ABR: variants seen among roughly 807,000 people sequenced by gnomAD.
ABR encodes ABR activator of RhoGEF and GTPase, also known as active breakpoint cluster region-related protein.
Under a neutral mutation model 107.2 loss-of-function variants are expected in ABR, and 35 were observed. The ratio of observed to expected loss-of-function variants is 0.33; its 90% CI spans 0.25 to 0.43. The LOEUF is 0.43. Ranked by LOEUF, ABR falls within the 20% of genes least tolerant of loss-of-function variation. The pLI is 1.00. For synonymous variants in ABR, 498 were observed against 462.0 expected (o/e 1.08, Z -1.00); for missense variants, 815 against 1,115.2 (o/e 0.73, Z 3.83).
chr17:1,014,107 C>T lies in ABR; in HGVS notation c.1792-943G>A, dbSNP rs184517606. ...TTCCTTCTCATGGATTCAGTGGGAT[C>T]TAAATACCCCAGCGACGTGATACCC... On this transcript the variant is annotated intron_variant, in intron 16 of 22. Transcript: ENST00000302538. 1.9e-3 allele frequency among the ~76,000 whole-genome samples: 284 copies of T among 152,288 alleles called. 2 individuals are homozygous for T. Among genetic ancestry groups the T allele is most frequent in the Non-Finnish European group, 3.6e-3 (242 of 68,028 alleles).
At chr17:1,058,906 C>T (rs118109021) in intron 10 of ABR, 39 bp from the exon 11 acceptor site, 17,658 of 1,611,366 alleles carry the variant, frequency 0.011, 131 homozygotes, top group Non-Finnish European at 0.014. Context: ...CCCTCACACT[C>T]GGGCCTTTCT....
chr17:1,137,019 C>T (rs576259146), intron 1 of ABR, among the ~76,000 whole-genome samples: 975 of 90,142 alleles, frequency 0.011, 14 homozygotes, highest in South Asian at 0.015. Flanking sequence ...TTTTCTCTCT[C>T]TCTCTCTCTT....
intron 1 of ABR, among the ~76,000 whole-genome samples, chr17:1,156,721 T>G (rs1365094558): frequency 1.3e-5 from 2 of 152,090 alleles, no homozygotes; most frequent in Non-Finnish European, 2.9e-5. Context: ...CATTATCTTA[T>G]GTAATCCTCT....
intron 1 of ABR, chr17:1,125,780 C>T (rs754410500): frequency 1.3e-5 from 3 of 223,674 alleles, no homozygotes; most frequent in Middle Eastern, 1.4e-3. Context: ...TGGGGGGGGC[C>T]GGTCGATGTC....
At chr17:1,054,493 TCAAAGG>T (rs2032990975) in intron 14 of ABR, among the ~76,000 whole-genome samples, 3 of 142,168 alleles carry the variant, frequency 2.1e-5, no homozygotes, top group African/African-American at 8.6e-5. Flanking sequence ...ACAAGGAACC[TCAAAGG>T]GATGGGGATA....
intron 9 of ABR, among the ~76,000 whole-genome samples, chr17:1,069,220 G>A (rs756926283): frequency 6.6e-6 from 1 of 152,192 alleles, no homozygotes; most frequent in African/African-American, 2.4e-5. Flanking sequence ...AACAGGGAAG[G>A]AAGCAGCGCG....
chr17:1,036,548 G>C (rs561890543), intron 16 of ABR, among the ~76,000 whole-genome samples: 1 of 152,266 alleles, frequency 6.6e-6, no homozygotes, highest in African/African-American at 2.4e-5. Flanking sequence ...GGGGGCTGCA[G>C]AGAGCCTGCC....
At chr17:1,077,009 G>A (rs1283825269) in intron 6 of ABR, among the ~76,000 whole-genome samples, 1 of 152,206 alleles carries the variant, frequency 6.6e-6, no homozygotes, top group African/African-American at 2.4e-5. Context: ...CAAGGGTACT[G>A]AGTTAACTGC....
rs1421534521 is a variant in ABR, at chr17:1,070,431, A to G, written c.895-341T>C. Among the ~76,000 whole-genome samples the G allele has an allele frequency of 6.6e-6, 1 of 152,182 alleles. No individual in the cohort carries two copies. The highest frequency in any genetic ancestry group is 1.5e-5 in the Non-Finnish European group (1 of 68,030). On this transcript the variant is annotated intron_variant, in intron 8 of 22. Transcript: ENST00000302538. The surrounding 1 kb of genome is among the most constrained non-coding windows in gnomAD (Gnocchi z 4.2). ...AGTGCCTGGCACATTAAGTGTGTGC[A>G]ACGCACGGGGCTCTCCGCGGCTAAC... is the stretch of plus-strand genomic sequence containing the variant.
chr17:1,018,980 T>C (rs2071415055), intron 16 of ABR, among the ~76,000 whole-genome samples: 1 of 152,116 alleles, frequency 6.6e-6, no homozygotes, highest in Non-Finnish European at 1.5e-5. Context: ...CCCAGCACCC[T>C]CTCTGCTGAA....
Position 1,050,716 on chromosome 17 carries a change from A to T in ABR, c.1562-82T>A. 1 of 1,098,908 alleles carries T rather than the reference A, an allele frequency of 9.1e-7. No individual in the cohort carries two copies. Among genetic ancestry groups the T allele is most frequent in the Non-Finnish European group, 1.4e-6 (1 of 717,578 alleles). 68.1% of individuals were successfully genotyped at this position (1,098,908 alleles called of 1,614,324 possible). A position where few individuals can be genotyped will look rare whatever the true frequency, so the allele number is the denominator to read the frequency against. On this transcript the variant is annotated intron_variant, in intron 14 of 22. Transcript: ENST00000302538. This position sits in a 1 kb window ranked among gnomAD's most constrained non-coding sequence, Gnocchi z 4.6. Reference sequence around the variant, plus strand: ...GGGGCGGCACTCAGGATGGAGGGGGACATCGCATCTGTCCTTTCCAACGTC... The same window carrying T: ...GGGGCGGCACTCAGGATGGAGGGGGTCATCGCATCTGTCCTTTCCAACGTC...
chr17:1,018,988 G>C (rs2586248), intron 16 of ABR, among the ~76,000 whole-genome samples: 7,505 of 152,244 alleles, frequency 0.049, 546 homozygotes, highest in African/African-American at 0.16. Context: ...CCTCTCTGCT[G>C]AAACTGCAGA....
At chr17:1,023,098 T>TCTGCCGGCCCCACGTCCACTGCAGAGCCA (rs2071840152) in intron 16 of ABR, among the ~76,000 whole-genome samples, 1 of 89,712 alleles carries the variant, frequency 1.1e-5, no homozygotes, top group African/African-American at 5.7e-5. Flanking sequence ...CTGCAGAGCC[T>TCTGCCGGCCCCACGTCCACTGCAGAGCCA]CTGCCGGCCC....
chr17:1,107,136 C>T (rs1335323149), intron 2 of ABR, among the ~76,000 whole-genome samples: 1 of 152,226 alleles, frequency 6.6e-6, no homozygotes, highest in Non-Finnish European at 1.5e-5. Context: ...AGGTCTCCTT[C>T]CCCCATGCTG....
Position 1,092,945 on chromosome 17 carries a change from A to G in ABR, c.346-1095T>C, listed in dbSNP as rs1190025328. ...CGCCATTCTCCTGCCTCAGCCTCCC[A>G]AGTAACAGGGACTACAGGCGCCCGC... On this transcript the variant is annotated intron_variant, in intron 3 of 22. Coordinates refer to ENST00000302538, the MANE Select transcript of ABR (RefSeq NM_021962.5). The surrounding 1 kb of genome is among the most constrained non-coding windows in gnomAD (Gnocchi z 4.6). 4.7e-5 allele frequency among the ~76,000 whole-genome samples: 7 copies of G among 149,468 alleles called. No homozygotes were observed. The highest frequency in any genetic ancestry group is 1.7e-4 in the African/African-American group (7 of 40,760).
At chr17:1,145,287 G>A (rs1162503065) in intron 1 of ABR, among the ~76,000 whole-genome samples, 1 of 152,120 alleles carries the variant, frequency 6.6e-6, no homozygotes, top group African/African-American at 2.4e-5. Flanking sequence ...TTAGGGTCTG[G>A]GGGCCAGGAA....
intron 1 of ABR, among the ~76,000 whole-genome samples, chr17:1,222,150 T>C (rs73281123): frequency 0.49 from 73,592 of 148,816 alleles, 18,839 homozygotes; most frequent in Middle Eastern, 0.56. Flanking sequence ...CTGCAACCTC[T>C]GCCTCCCGGG....
At chr17:1,066,130 C>T (rs2151145498) in intron 10 of ABR, among the ~76,000 whole-genome samples, 1 of 152,282 alleles carries the variant, frequency 6.6e-6, no homozygotes, top group Admixed American at 6.5e-5. Context: ...CCACCATCCT[C>T]AGCCTCCCAA....
At position 1,089,356 on chromosome 17, in the gene ABR, C is replaced by T. The variant is rs1430047482; in HGVS notation, c.531+2309G>A. On this transcript the variant is annotated intron_variant, in intron 4 of 22. Transcript: ENST00000302538. ...GCCCCATGCAGTTTTCAGATATTAACTCCTCAAAATCACCCAATGAGGTAA... is the reference window on the plus strand; with the variant it reads ...GCCCCATGCAGTTTTCAGATATTAATTCCTCAAAATCACCCAATGAGGTAA... Among the ~76,000 whole-genome samples, 3 of 152,256 alleles carry T rather than the reference C, an allele frequency of 2.0e-5. No individual in the cohort carries two copies. The East Asian group carries it at 5.8e-4, about 30-fold the overall frequency.
Sources: gnomAD v4.1 joint callset for allele counts (sites outside exome capture counted in the v4.1 genomes callset) on GRCh38, gnomAD v4.1.1 for gene constraint, Gnocchi (gnomAD v3.1) non-coding constraint, MANE v1.5 for transcripts, NCBI Gene and HGNC (gene_info 2026-07-23, HGNC 2026-07-21) for gene names.